The following VGLL4 variants were observed in gnomAD, a reference collection of about 807,000 sequenced individuals.
VGLL4 encodes vestigial like family member 4, also known as transcription cofactor vestigial-like protein 4.
VGLL4 carries 7 observed loss-of-function variants against 21.0 expected under a neutral mutation model. The observed-to-expected ratio is 0.33, with a 90% CI of 0.19 to 0.63. The LOEUF is 0.63. VGLL4 is among the 20% of genes least tolerant of loss of function. The pLI, the probability that VGLL4 is intolerant of heterozygous loss-of-function variation, is 0.78. For synonymous variants in VGLL4, 222 were observed against 173.2 expected, an observed-to-expected ratio of 1.28 and a Z score of -2.21; for missense variants, 394 against 425.7, an observed-to-expected ratio of 0.93 and a Z score of 0.66.
intron 2 of VGLL4, among the ~76,000 whole-genome samples, chr3:11,675,080 G>A (rs570402322): frequency 2.6e-5 from 4 of 152,314 alleles, no homozygotes; most frequent in East Asian, 3.9e-4. Context: ...AGTGGCTCAC[G>A]CCCGTAATCC....
rs115632746 is a variant in VGLL4, at chr3:11,638,192, C to T, written c.82+5245G>A. ...AAGGAGGATTGCTTTCTATCTTTAC[C>T]GCATGTTTTAAAAAATCTTCACAGC... is the stretch of plus-strand genomic sequence containing the variant. On this transcript the variant is annotated intron_variant, in intron 1 of 4. Transcript: ENST00000430365. Among the ~76,000 whole-genome samples, 774 of 152,150 alleles carry T rather than the reference C, an allele frequency of 5.1e-3. 6 individuals carry two copies. The highest frequency in any genetic ancestry group is 0.018 in the African/African-American group (729 of 41,502).
intron 3 of VGLL4, among the ~76,000 whole-genome samples, chr3:11,563,888 C>A (rs1006606944): frequency 6.6e-6 from 1 of 152,218 alleles, no homozygotes; most frequent in Non-Finnish European, 1.5e-5. Context: ...CTCCCAGGGC[C>A]TACCCCACCC....
intron 2 of VGLL4, among the ~76,000 whole-genome samples, chr3:11,576,708 C>A (rs1342618646): frequency 6.6e-6 from 1 of 152,242 alleles, no homozygotes; most frequent in African/African-American, 2.4e-5. Flanking sequence ...GTTCTCCCTG[C>A]TGCTTCACTC....
chr3:11,557,878 A>G lies in VGLL4; in HGVS notation c.*678T>C, dbSNP rs1347106230. ...CAAGCACCTGAAATCTAGAGAGAGA[A>G]AGACCTATAACCTGTATGAGACTTC... On this transcript the variant is annotated 3_prime_UTR_variant, in exon 5 of 5. Coordinates refer to ENST00000430365, the MANE Select transcript of VGLL4 (RefSeq NM_001128219.3). 2 of 152,746 alleles carry G rather than the reference A, an allele frequency of 1.3e-5. No homozygotes were observed. The highest frequency in any genetic ancestry group is 4.8e-5 in the African/African-American group (2 of 41,432). 9.5% of individuals were successfully genotyped at this position (152,746 alleles called of 1,614,324 possible). A position where few individuals can be genotyped will look rare whatever the true frequency, so the allele number is the denominator to read the frequency against.
At chr3:11,662,116 A>T (rs1474065845) in intron 2 of VGLL4, among the ~76,000 whole-genome samples, 1 of 152,190 alleles carries the variant, frequency 6.6e-6, no homozygotes, top group Non-Finnish European at 1.5e-5. Flanking sequence ...CCTGGCTAAC[A>T]TTATGTCGCC....
At chr3:11,562,113 G>C (rs2125115636) in intron 3 of VGLL4, among the ~76,000 whole-genome samples, 1 of 152,072 alleles carries the variant, frequency 6.6e-6, no homozygotes, top group East Asian at 1.9e-4. Flanking sequence ...GGCCAGGCTG[G>C]TCTCGAAATC....
At chr3:11,711,412 A>C (rs1428575626) in intron 1 of VGLL4, among the ~76,000 whole-genome samples, 1 of 151,940 alleles carries the variant, frequency 6.6e-6, no homozygotes, top group Non-Finnish European at 1.5e-5. Context: ...AAAGTACAAA[A>C]AATTAGCCAG....
At chr3:11,707,004 T>C (rs770251602) in intron 1 of VGLL4, among the ~76,000 whole-genome samples, 5 of 152,092 alleles carry the variant, frequency 3.3e-5, no homozygotes, top group Non-Finnish European at 5.9e-5. Flanking sequence ...TGACATGATG[T>C]TCACACTATT....
At chr3:11,685,558 T>C (rs1315218510) in intron 2 of VGLL4, among the ~76,000 whole-genome samples, 2 of 152,334 alleles carry the variant, frequency 1.3e-5, no homozygotes, top group African/African-American at 4.8e-5. Flanking sequence ...TCTTTGTTAT[T>C]GTGAACAGAG....
At chr3:11,566,322 T>C (rs1294496355) in intron 2 of VGLL4, among the ~76,000 whole-genome samples, 1 of 152,186 alleles carries the variant, frequency 6.6e-6, no homozygotes, top group Non-Finnish European at 1.5e-5. Context: ...CCATGCACCC[T>C]TTACCTTGAC....
intron 4 of VGLL4, 60 bp downstream of exon 4, chr3:11,559,270 CAG>C: frequency 6.8e-7 from 1 of 1,469,434 alleles, no homozygotes; most frequent in Non-Finnish European, 9.0e-7. Flanking sequence ...AACAGCATGA[CAG>C]AGAAGGGCTC....
chr3:11,683,377 T>G (rs1277513167), intron 2 of VGLL4, among the ~76,000 whole-genome samples: 3 of 152,124 alleles, frequency 2.0e-5, no homozygotes, highest in Admixed American at 6.5e-5. Context: ...AGTATAGAGA[T>G]TTCTCAAAGA....
At chr3:11,668,257 G>A (rs1179704052) in intron 2 of VGLL4, among the ~76,000 whole-genome samples, 1 of 152,136 alleles carries the variant, frequency 6.6e-6, no homozygotes, top group Non-Finnish European at 1.5e-5. Context: ...ATTTTGGAGG[G>A]AGACAGAATT....
intron 2 of VGLL4, among the ~76,000 whole-genome samples, chr3:11,650,985 A>G (rs1252812228): frequency 6.6e-6 from 1 of 152,200 alleles, no homozygotes; most frequent in Non-Finnish European, 1.5e-5. Context: ...ACACTGGTCA[A>G]CACATTTTTG....
chr3:11,674,146 A>G (rs2076256915), intron 2 of VGLL4, among the ~76,000 whole-genome samples: 1 of 152,078 alleles, frequency 6.6e-6, no homozygotes. Context: ...GCTACACTCA[A>G]TCTATCAATC....
At chr3:11,596,469 G>A (rs965555241) in intron 2 of VGLL4, among the ~76,000 whole-genome samples, 4 of 152,220 alleles carry the variant, frequency 2.6e-5, no homozygotes, top group African/African-American at 9.6e-5. Context: ...AGTGGACCAT[G>A]AGTACATGTG....
intron 2 of VGLL4, among the ~76,000 whole-genome samples, chr3:11,591,875 G>A (rs1442168985): frequency 1.3e-5 from 2 of 152,212 alleles, no homozygotes; most frequent in African/African-American, 4.8e-5. Flanking sequence ...GACATACATG[G>A]GGCAAAGTGG....
At chr3:11,662,470 T>A (rs1215414884) in intron 2 of VGLL4, among the ~76,000 whole-genome samples, 1 of 152,224 alleles carries the variant, frequency 6.6e-6, no homozygotes, top group East Asian at 1.9e-4. Context: ...AGGTGGCTTA[T>A]TATAAAATGG....
chr3:11,671,144 T>C, intron 2 of VGLL4: 2 of 1,183,908 alleles, frequency 1.7e-6, no homozygotes, highest in South Asian at 3.2e-5. Flanking sequence ...TTTCATGAAG[T>C]AATGAGGCTT....
Sources: gnomAD v4.1 joint callset for allele counts (sites outside exome capture counted in the v4.1 genomes callset) on GRCh38, gnomAD v4.1.1 for gene constraint, MANE v1.5 for transcripts, NCBI Gene and HGNC (gene_info 2026-07-23, HGNC 2026-07-21) for gene names.